The following GCNT1 variants were observed in gnomAD, a reference collection of about 807,000 sequenced individuals.
GCNT1 encodes the protein beta-1,3-galactosyl-O-glycosyl-glycoprotein beta-1,6-N-acetylglucosaminyltransferase.
A neutral mutation model predicts 26.2 loss-of-function variants in GCNT1; 16 were observed. The ratio of observed to expected loss-of-function variants is 0.61; its 90% CI spans 0.41 to 0.93. The LOEUF is 0.93. Among genes scored for constraint, GCNT1 ranks in the 40% least tolerant of loss-of-function variants. The pLI, the probability that GCNT1 is intolerant of heterozygous loss-of-function variation, is 0.00. For missense variants in GCNT1, 477 were observed against 526.7 expected, an observed-to-expected ratio of 0.91 and a Z score of 0.92; for synonymous variants, 183 against 190.8, an observed-to-expected ratio of 0.96 and a Z score of 0.34.
At position 76,480,967 on chromosome 9, in the gene GCNT1, G is replaced by A. The variant is rs1445032486; in HGVS notation, c.-289-19949G>A. On this transcript the variant is annotated intron_variant, in intron 2 of 3. Transcript: ENST00000376730. ...TCAGAAAAAAAAAATAGCTGGGCGT[G>A]GTGTCTCACGCCTGTAATCCCAGCA... Among the ~76,000 whole-genome samples the A allele has an allele frequency of 2.0e-5, 3 of 152,096 alleles. No individual in the cohort carries two copies. In the East Asian group the frequency reaches 5.8e-4, roughly 29 times the overall value.
At chr9:76,478,725 C>T (rs550520544) in intron 2 of GCNT1, among the ~76,000 whole-genome samples, 7 of 152,164 alleles carry the variant, frequency 4.6e-5, no homozygotes, top group Non-Finnish European at 1.0e-4. Context: ...TTGTTTATCA[C>T]GTGCTTTTTC....
At chr9:76,437,321 G>T (rs1280705729), upstream of GCNT1, among the ~76,000 whole-genome samples, 1 of 152,112 alleles carries the variant, frequency 6.6e-6, no homozygotes, top group Non-Finnish European at 1.5e-5. Context: ...TGAAGATCTT[G>T]CTGATAAAAC....
intron 2 of GCNT1, among the ~76,000 whole-genome samples, chr9:76,479,098 A>G (rs1250406059): frequency 1.3e-5 from 2 of 152,102 alleles, no homozygotes; most frequent in Admixed American, 1.3e-4. Context: ...ATGAGTGAGA[A>G]CATGCGATGT....
chr9:76,414,968 T>C (rs1461209862), upstream of GCNT1, among the ~76,000 whole-genome samples: 1 of 152,216 alleles, frequency 6.6e-6, no homozygotes. Context: ...ACGTAGCTCC[T>C]ATTCAAGATG....
chr9:76,417,567 A>G (rs532613981), upstream of GCNT1, among the ~76,000 whole-genome samples: 1 of 152,234 alleles, frequency 6.6e-6, no homozygotes, highest in Non-Finnish European at 1.5e-5. Context: ...AATGAAAGGT[A>G]CTGTTGGCTT....
chr9:76,404,563 T>C, the GCNT1 span, among the ~76,000 whole-genome samples: 1 of 152,216 alleles, frequency 6.6e-6, no homozygotes, highest in Non-Finnish European at 1.5e-5. Context: ...CAATAAAATC[T>C]GGCAGAAGTG....
In GCNT1 at chr9:76,460,119, C is replaced by T. The variant is rs1446178979; in HGVS notation, c.-348C>T. Reference sequence around the variant, plus strand: ...ACGCCTCCCTCTCCTCTTCCCGTCTCCCAGCGTGGATGAGGGCGCCTGCAG... The same window carrying T: ...ACGCCTCCCTCTCCTCTTCCCGTCTTCCAGCGTGGATGAGGGCGCCTGCAG... On this transcript the variant is annotated 5_prime_UTR_variant, in exon 2 of 4. Coordinates refer to ENST00000376730, the MANE Select transcript of GCNT1 (RefSeq NM_001490.5). 2 of 152,304 alleles carry T rather than the reference C, an allele frequency of 1.3e-5. No individual in the cohort carries two copies. Among genetic ancestry groups the T allele is most frequent in the South Asian group, 2.1e-4 (1 of 4,834 alleles). 9.4% of individuals were successfully genotyped at this position (152,304 alleles called of 1,614,324 possible).
intron 1 of GCNT1, among the ~76,000 whole-genome samples, chr9:76,444,511 A>G (rs76250742): frequency 0.063 from 9,581 of 152,248 alleles, 348 homozygotes; most frequent in Middle Eastern, 0.11. Context: ...AAGGTCAAGG[A>G]GTGACGATTT....
chr9:76,394,430 G>C, the GCNT1 span: 1 of 414,660 alleles, frequency 2.4e-6, no homozygotes, highest in Non-Finnish European at 4.3e-6. Context: ...AGTAAGTGCC[G>C]GGTGTGAGCG....
At chr9:76,452,759 C>T (rs751821462) in intron 1 of GCNT1, among the ~76,000 whole-genome samples, 1 of 152,130 alleles carries the variant, frequency 6.6e-6, no homozygotes, top group African/African-American at 2.4e-5. Context: ...CTGGGGACTA[C>T]AATTCGATAT....
At chr9:76,496,131 A>C (rs563685831) in intron 2 of GCNT1, among the ~76,000 whole-genome samples, 2 of 152,164 alleles carry the variant, frequency 1.3e-5, no homozygotes, top group South Asian at 2.1e-4. Flanking sequence ...CCTGGGTCCT[A>C]CTGTTTTCTG....
At position 76,506,916 on chromosome 9, in the gene GCNT1, A is replaced by G. The variant is rs919108172; in HGVS notation, c.*3248A>G. 1.8e-5 allele frequency: 3 copies of G among 167,064 alleles called. No homozygotes were observed. Among genetic ancestry groups the G allele is most frequent in the African/African-American group, 4.8e-5 (2 of 41,448 alleles). 10.3% of individuals were successfully genotyped at this position (167,064 alleles called of 1,614,324 possible). On this transcript the variant is annotated 3_prime_UTR_variant, in exon 4 of 4. Coordinates refer to ENST00000376730, the MANE Select transcript of GCNT1 (RefSeq NM_001490.5). ...TTCAGAAAAATAAAAATAATTTCTC[A>G]TATTAAATACAGACGCTCCTCAACT... is the stretch of plus-strand genomic sequence containing the variant.
At chr9:76,471,592 T>A (rs891586315) in intron 2 of GCNT1, among the ~76,000 whole-genome samples, 1 of 152,154 alleles carries the variant, frequency 6.6e-6, no homozygotes. Flanking sequence ...ATGAGTTCCC[T>A]GAAAATAAGA....
intron 1 of GCNT1, among the ~76,000 whole-genome samples, chr9:76,444,565 A>T (rs1823544442): frequency 6.6e-6 from 1 of 152,168 alleles, no homozygotes; most frequent in Admixed American, 6.5e-5. Context: ...AGTTTAGATA[A>T]ATGTCTGCTG....
At chr9:76,433,562 C>T in intron 1 of GCNT1, among the ~76,000 whole-genome samples, 1 of 152,172 alleles carries the variant, frequency 6.6e-6, no homozygotes, top group Non-Finnish European at 1.5e-5. Flanking sequence ...GCCAGCCAGA[C>T]CCTGGACTCA....
intron 1 of GCNT1, among the ~76,000 whole-genome samples, chr9:76,428,863 G>A (rs1450299397): frequency 1.3e-5 from 2 of 151,960 alleles, no homozygotes; most frequent in African/African-American, 4.8e-5. Context: ...ACCACACCCG[G>A]CTAATTTTGT....
At chr9:76,479,747 G>A (rs1239308144) in intron 2 of GCNT1, among the ~76,000 whole-genome samples, 2 of 152,140 alleles carry the variant, frequency 1.3e-5, no homozygotes, top group Non-Finnish European at 2.9e-5. Flanking sequence ...TTAGATTCTG[G>A]ATATTAGCCG....
In GCNT1 at chr9:76,428,221, G is replaced by A. The variant is rs539225593; in HGVS notation, n.38+8334G>A. ...GTGGAGCTTGCAGTGAGCCGAGATC[G>A]TGCTACTGCACTCCGGCCTGGGTAA... On this transcript the variant is annotated intron_variant and non_coding_transcript_variant, in intron 1 of 3. Transcript: ENST00000488136. Among the ~76,000 whole-genome samples, 7 of 132,424 alleles carry A rather than the reference G, an allele frequency of 5.3e-5. No homozygotes were observed. In the East Asian group the frequency reaches 1.3e-3, roughly 25 times the overall value. 86.9% of individuals were successfully genotyped at this position (132,424 alleles called of 152,430 possible). A position where few individuals can be genotyped will look rare whatever the true frequency, so the allele number is the denominator to read the frequency against.
chr9:76,500,542 T>A (rs1825036202), intron 2 of GCNT1, among the ~76,000 whole-genome samples: 1 of 152,148 alleles, frequency 6.6e-6, no homozygotes, highest in Non-Finnish European at 1.5e-5. Flanking sequence ...CAAATTCAGC[T>A]TCAGGATTGT....
Sources: allele counts gnomAD v4.1 joint callset (sites outside exome capture counted in the v4.1 genomes callset), GRCh38; gene constraint gnomAD v4.1.1; transcripts MANE v1.5; gene names NCBI Gene and HGNC (gene_info 2026-07-23, HGNC 2026-07-21).